The following AGO3 variants were observed in gnomAD, a reference collection of about 807,000 sequenced individuals.
The protein encoded by AGO3 is argonaute RISC catalytic component 3.
Under a neutral mutation model 105.5 loss-of-function variants are expected in AGO3, and 16 were observed. That is an observed-to-expected ratio of 0.15 (90% CI 0.10 to 0.23). The LOEUF (loss-of-function observed/expected upper bound fraction) is 0.23, where lower values mean the gene tolerates loss of function less well. AGO3 is among the 10% of genes least tolerant of loss of function. AGO3 has a pLI of 1.00. For synonymous variants in AGO3, 340 were observed against 367.3 expected (o/e 0.93, Z 0.85); for missense variants, 534 against 1,088.0 (o/e 0.49, Z 7.16).
intron 5 of AGO3, among the ~76,000 whole-genome samples, chr1:35,980,455 T>A (rs1180985887): frequency 6.6e-6 from 1 of 152,252 alleles, no homozygotes; most frequent in African/African-American, 2.4e-5. Context: ...AAATCTGCAA[T>A]TAAATGTATT....
intron 16 of AGO3, among the ~76,000 whole-genome samples, chr1:36,041,705 G>A (rs1260814177): frequency 6.6e-6 from 1 of 152,188 alleles, no homozygotes; most frequent in Non-Finnish European, 1.5e-5. Flanking sequence ...AGGACTAAGA[G>A]AGGGGTGTTT....
chr1:36,063,838 T>C lies in AGO3; in HGVS notation c.*8093T>C, dbSNP rs1194197433. The C allele has an allele frequency of 6.6e-6, 1 of 152,220 alleles. No homozygotes were observed. Among genetic ancestry groups the C allele is most frequent in the Non-Finnish European group, 1.5e-5 (1 of 68,060 alleles). The allele number at this position is 152,220 out of a possible 1,614,324, so 9.4% of individuals were successfully genotyped here. On this transcript the variant is annotated 3_prime_UTR_variant, in exon 19 of 19. Transcript: ENST00000373191. Reference sequence around the variant, plus strand: ...ATCATAGTTCACTATAACTTCAAACTCCTGGGCTCAGGCTATCCTCCCACC... The same window carrying C: ...ATCATAGTTCACTATAACTTCAAACCCCTGGGCTCAGGCTATCCTCCCACC...
In AGO3 at chr1:36,066,580, A is replaced by T. The variant is rs1239076334; in HGVS notation, c.*10835A>T. The T allele has an allele frequency of 1.3e-5, 2 of 152,352 alleles. No homozygotes were observed. The highest frequency in any genetic ancestry group is 1.9e-4 in the East Asian group (1 of 5,196). The allele number at this position is 152,352 out of a possible 1,614,324, so 9.4% of individuals were successfully genotyped here. A position where few individuals can be genotyped will look rare whatever the true frequency, so the allele number is the denominator to read the frequency against. ...CGTCTCAAAAAATAATAATAATTTT[A>T]AAAATAAAAGACAAAACTTTCATCT... is the stretch of plus-strand genomic sequence containing the variant. On this transcript the variant is annotated 3_prime_UTR_variant, in exon 19 of 19. Transcript: ENST00000373191.
rs1569899300 is a variant in AGO3, at chr1:36,038,826, C to T, written c.1843-964C>T. Reference sequence around the variant, plus strand: ...GAGGACCAGATACAGAACACAAATGCAGCTCAATAAGACTGTATAGATTCA... The same window carrying T: ...GAGGACCAGATACAGAACACAAATGTAGCTCAATAAGACTGTATAGATTCA... On this transcript the variant is annotated intron_variant, in intron 14 of 18. Transcript: ENST00000373191. Among the ~76,000 whole-genome samples, 10 of 152,270 alleles carry T rather than the reference C, an allele frequency of 6.6e-5. 1 individual carries two copies. Among genetic ancestry groups the T allele is most frequent in the Admixed American group, 2.0e-4 (3 of 15,294 alleles).
rs1647805243 is a variant in AGO3 at position 35,992,780 on chromosome 1, TCAAAA to T, written c.659-11557_659-11553del. Among the ~76,000 whole-genome samples, 3 of 152,242 alleles carry T rather than the reference TCAAAA, an allele frequency of 2.0e-5. No homozygotes were observed. The South Asian group carries it at 6.2e-4, about 31-fold the overall frequency. ...TCAAATTATTCCAAAACGTAGTGAC[TCAAAA>T]CAATAAACTATCTCACACATTTTCT... On this transcript the variant is annotated intron_variant, in intron 5 of 18. Transcript: ENST00000373191.
At chr1:35,958,430 G>A (rs1406431918) in intron 2 of AGO3, among the ~76,000 whole-genome samples, 2 of 152,010 alleles carry the variant, frequency 1.3e-5, no homozygotes, top group Non-Finnish European at 2.9e-5. Flanking sequence ...GGAGGCTGAG[G>A]TGGACAGATC....
chr1:35,931,981 G>A (rs189977546), intron 1 of AGO3, among the ~76,000 whole-genome samples: 61 of 152,312 alleles, frequency 4.0e-4, no homozygotes, highest in Non-Finnish European at 7.1e-4. Flanking sequence ...AGTTTCTGAG[G>A]AGCTTGGAAA....
intron 5 of AGO3, among the ~76,000 whole-genome samples, chr1:35,984,858 AG>A (rs750765873): frequency 1.2e-4 from 18 of 152,250 alleles, no homozygotes; most frequent in Non-Finnish European, 2.1e-4. Context: ...AATGAGATCA[AG>A]AGTTTGGATT....
intron 1 of AGO3, among the ~76,000 whole-genome samples, chr1:35,931,744 C>T (rs1370615622): frequency 6.6e-6 from 1 of 152,224 alleles, no homozygotes; most frequent in African/African-American, 2.4e-5. Context: ...GAATGGTTTG[C>T]CATTGTCTAG....
chr1:35,961,209 C>G (rs936861805), intron 2 of AGO3, among the ~76,000 whole-genome samples: 2 of 152,048 alleles, frequency 1.3e-5, no homozygotes, highest in African/African-American at 4.8e-5. Context: ...CCTCGGCCCC[C>G]CAAAGTGGTG....
At chr1:36,052,374 G>C (rs1352818321) in intron 17 of AGO3, among the ~76,000 whole-genome samples, 2 of 152,038 alleles carry the variant, frequency 1.3e-5, no homozygotes, top group Non-Finnish European at 2.9e-5. Context: ...CATAGAAGTA[G>C]AGAGTAAAAT....
chr1:35,999,491 C>T (rs1408575039), intron 5 of AGO3, among the ~76,000 whole-genome samples: 1 of 152,150 alleles, frequency 6.6e-6, no homozygotes, highest in African/African-American at 2.4e-5. Context: ...GGATAATTTA[C>T]ATGAATAGGG....
intron 6 of AGO3, chr1:36,005,874 T>A (rs1640311060): frequency 9.1e-6 from 9 of 985,216 alleles, no homozygotes; most frequent in Non-Finnish European, 1.1e-5. Flanking sequence ...GCCAAGTTTA[T>A]AGGTTAAATA....
intron 1 of AGO3, among the ~76,000 whole-genome samples, chr1:35,933,080 C>G (rs1371755221): frequency 6.6e-6 from 1 of 152,036 alleles, no homozygotes; most frequent in Non-Finnish European, 1.5e-5. Context: ...TTTGGGTGTC[C>G]CATTGCTGAA....
At chr1:36,018,157 T>C (rs923681149) in intron 11 of AGO3, among the ~76,000 whole-genome samples, 1 of 151,780 alleles carries the variant, frequency 6.6e-6, no homozygotes, top group Admixed American at 6.6e-5. Flanking sequence ...GTATTCTTAG[T>C]AGAGCGGGGT....
intron 2 of AGO3, among the ~76,000 whole-genome samples, chr1:35,947,703 C>T (rs1366329674): frequency 6.6e-6 from 1 of 152,090 alleles, no homozygotes; most frequent in Non-Finnish European, 1.5e-5. Flanking sequence ...CTCCTAGGAT[C>T]TTAGGCTAGT....
At chr1:36,024,417 G>T (rs924190700) in intron 11 of AGO3, among the ~76,000 whole-genome samples, 1 of 152,100 alleles carries the variant, frequency 6.6e-6, no homozygotes. Flanking sequence ...GATCATAGGT[G>T]TGAGCCACCG....
intron 5 of AGO3, among the ~76,000 whole-genome samples, chr1:35,976,029 A>G (rs1646952079): frequency 6.6e-6 from 1 of 150,984 alleles, no homozygotes; most frequent in African/African-American, 2.4e-5. Context: ...TCCGCCTCCC[A>G]GGTTCAAGCA....
chr1:36,027,205 G>A lies in AGO3; in HGVS notation c.1498G>A (p.Asp500Asn), dbSNP rs1387985343. The change falls in exon 12 of 19, where the codon GAC (aspartate) becomes AAC (asparagine). Residue 500 changes from aspartate (D) to asparagine (N), a missense_variant. Around this residue, in one of 2 missense-constraint regions of AGO3, gnomAD observed 373 missense variants for 854.0 expected, o/e 0.44. Transcript: ENST00000373191. This position sits in a 1 kb window ranked among gnomAD's most constrained non-coding sequence, Gnocchi z 4.0. ...PCFCKYAQGA[D>N]SVEPMFRHLK... Reference sequence around the variant, plus strand: ...CTTCTGCAAATATGCACAGGGGGCAGACAGCGTAGAGCCCATGTTCCGGCA... The same window carrying A: ...CTTCTGCAAATATGCACAGGGGGCAAACAGCGTAGAGCCCATGTTCCGGCA... The A allele has an allele frequency of 6.2e-7, 1 of 1,614,232 alleles. No homozygotes were observed.
Sources: gnomAD v4.1 joint callset for allele counts (sites outside exome capture counted in the v4.1 genomes callset) on GRCh38, gnomAD v4.1.1 for gene constraint, gnomAD v4.1.1 regional missense constraint, Gnocchi (gnomAD v3.1) non-coding constraint, MANE v1.5 for transcripts, NCBI Gene and HGNC (gene_info 2026-07-23, HGNC 2026-07-21) for gene names.